The following XPR1 variants were observed in gnomAD, a reference collection of about 807,000 sequenced individuals.
XPR1 encodes xenotropic and polytropic retrovirus receptor 1.
XPR1 carries 28 observed loss-of-function variants against 87.5 expected under a neutral mutation model. That is an observed-to-expected ratio of 0.32 (90% CI 0.24 to 0.44). The LOEUF (loss-of-function observed/expected upper bound fraction) is 0.44, where lower values mean the gene tolerates loss of function less well. Among genes scored for constraint, XPR1 ranks in the 20% least tolerant of loss-of-function variants. The probability of loss-of-function intolerance (pLI) is 1.00; values close to 1 mark genes in which losing one functional copy is unlikely to be tolerated. For missense variants in XPR1, 559 were observed against 862.3 expected (o/e 0.65, Z 4.41); for synonymous variants, 300 against 306.1 (o/e 0.98, Z 0.21).
chr1:180,740,459 A>G (rs762996564), intron 2 of XPR1, among the ~76,000 whole-genome samples: 13 of 151,888 alleles, frequency 8.6e-5, no homozygotes, highest in Middle Eastern at 3.2e-3. Context: ...TTTAGATTAC[A>G]TTTTTTGATT....
At chr1:180,807,474 C>T (rs1650041929) in intron 6 of XPR1, among the ~76,000 whole-genome samples, 1 of 152,078 alleles carries the variant, frequency 6.6e-6, no homozygotes, top group Non-Finnish European at 1.5e-5. Flanking sequence ...TCAAAATATA[C>T]AATGCTTAGT....
chr1:180,759,871 TACTGACAAACCGAATCCAGCA>T (rs946160023), intron 2 of XPR1, among the ~76,000 whole-genome samples: 6 of 152,084 alleles, frequency 3.9e-5, no homozygotes. Flanking sequence ...CTCAATAAAA[TACTGACAAACCGAATCCAGCA>T]GCACATCAAA....
intron 3 of XPR1, among the ~76,000 whole-genome samples, chr1:180,788,226 G>A (rs377698912): frequency 2.0e-5 from 3 of 152,108 alleles, no homozygotes; most frequent in African/African-American, 7.2e-5. Context: ...CCTTTTCATT[G>A]CCTAGAACAC....
At chr1:180,713,821 C>T (rs1293142030) in intron 2 of XPR1, among the ~76,000 whole-genome samples, 2 of 151,918 alleles carry the variant, frequency 1.3e-5, no homozygotes, top group Admixed American at 6.6e-5. Flanking sequence ...GGATATTGTT[C>T]TCTAGAAGTC....
chr1:180,793,472 C>G (rs1649460245), intron 3 of XPR1, among the ~76,000 whole-genome samples: 1 of 149,138 alleles, frequency 6.7e-6, no homozygotes, highest in South Asian at 2.2e-4. Flanking sequence ...GACTTAATGG[C>G]TGGTTTTGTT....
At chr1:180,676,869 T>G (rs1347206929) in intron 1 of XPR1, among the ~76,000 whole-genome samples, 2 of 152,210 alleles carry the variant, frequency 1.3e-5, no homozygotes, top group African/African-American at 4.8e-5. Context: ...AATGTAATCT[T>G]AGAAAAGATG....
At chr1:180,877,153 G>A (rs1201618002) in intron 13 of XPR1, among the ~76,000 whole-genome samples, 3 of 152,320 alleles carry the variant, frequency 2.0e-5, no homozygotes, top group East Asian at 3.9e-4. Context: ...AATTAAAGCT[G>A]TGTAGACGTG....
At chr1:180,742,477 T>G (rs956387055) in intron 2 of XPR1, among the ~76,000 whole-genome samples, 1 of 152,156 alleles carries the variant, frequency 6.6e-6, no homozygotes, top group African/African-American at 2.4e-5. Flanking sequence ...TTGTTACAGT[T>G]TAGGAGGACA....
At chr1:180,808,383 A>G (rs1452987068) in intron 6 of XPR1, among the ~76,000 whole-genome samples, 2 of 152,092 alleles carry the variant, frequency 1.3e-5, no homozygotes, top group African/African-American at 4.8e-5. Context: ...ACAAATTTCT[A>G]GAAGAAAATA....
chr1:180,686,054 T>C (rs1417200133), intron 2 of XPR1, among the ~76,000 whole-genome samples: 1 of 152,164 alleles, frequency 6.6e-6, no homozygotes, highest in African/African-American at 2.4e-5. Context: ...GCTCTTGCTT[T>C]TCTAGTTCTT....
chr1:180,744,154 C>G (rs971482856), intron 2 of XPR1, among the ~76,000 whole-genome samples: 1 of 152,166 alleles, frequency 6.6e-6, no homozygotes, highest in African/African-American at 2.4e-5. Context: ...CTCCCTCTTC[C>G]TCTCCCCATC....
intron 3 of XPR1, among the ~76,000 whole-genome samples, chr1:180,799,143 A>G (rs12077610): frequency 0.043 from 6,532 of 152,246 alleles, 499 homozygotes; most frequent in African/African-American, 0.15. Flanking sequence ...TCATCTTCCA[A>G]TTCAGTAGAA....
At chr1:180,773,054 C>T (rs1294294669) in intron 2 of XPR1, among the ~76,000 whole-genome samples, 3 of 152,090 alleles carry the variant, frequency 2.0e-5, no homozygotes, top group Non-Finnish European at 4.4e-5. Flanking sequence ...TGAAATTTAC[C>T]TGATATTCCT....
chr1:180,684,619 A>G (rs1176190698), intron 2 of XPR1, among the ~76,000 whole-genome samples: 1 of 152,152 alleles, frequency 6.6e-6, no homozygotes, highest in Non-Finnish European at 1.5e-5. Context: ...CCTACCCATG[A>G]GCATGGAATG....
chr1:180,715,333 A>G (rs796428556), intron 2 of XPR1, among the ~76,000 whole-genome samples: 1 of 152,178 alleles, frequency 6.6e-6, no homozygotes, highest in Non-Finnish European at 1.5e-5. Flanking sequence ...TGTTGGCCAG[A>G]GTAGGCAAAT....
intron 1 of XPR1, among the ~76,000 whole-genome samples, chr1:180,662,761 A>G (rs910024845): frequency 6.6e-6 from 1 of 152,072 alleles, no homozygotes; most frequent in Non-Finnish European, 1.5e-5. Flanking sequence ...AGTAATTCTT[A>G]GATTTGCCCT....
rs1558017163 is a variant in XPR1, at chr1:180,806,301, A to G, written c.597+90A>G. ...TCCTTATTTCTGTTATTTTGTAACTAGTTGCTAGCTTTGAATATATATGCC... is the reference window on the plus strand; with the variant it reads ...TCCTTATTTCTGTTATTTTGTAACTGGTTGCTAGCTTTGAATATATATGCC... On this transcript the variant is annotated intron_variant, in intron 5 of 14. Transcript: ENST00000367590. The G allele has an allele frequency of 1.5e-5, 24 of 1,550,642 alleles. 1 individual carries two copies. The highest frequency in any genetic ancestry group is 3.6e-5 in the South Asian group (3 of 83,714).
rs1184621008 is a variant in XPR1, at chr1:180,781,595, C to CTT, written c.122-6146_122-6145dup. 2.3e-4 allele frequency among the ~76,000 whole-genome samples: 33 copies of CTT among 141,100 alleles called. 1 individual carries two copies. Among genetic ancestry groups the CTT allele is most frequent in the Admixed American group, 2.2e-3 (31 of 13,984 alleles). The allele number at this position is 141,100 out of a possible 152,430, so 92.6% of individuals were successfully genotyped here. On this transcript the variant is annotated intron_variant, in intron 2 of 14. Transcript: ENST00000367590. ...GGAGTATTTTACCTTGATTGGTACTCTTTTTTTTTTTTTAAACACCCCTGG... is the reference window on the plus strand; with the variant it reads ...GGAGTATTTTACCTTGATTGGTACTCTTTTTTTTTTTTTTTAAACACCCCTGG...
chr1:180,652,047 T>C (rs1309307002), intron 1 of XPR1, among the ~76,000 whole-genome samples: 1 of 152,086 alleles, frequency 6.6e-6, no homozygotes, highest in African/African-American at 2.4e-5. Flanking sequence ...ATTTCAGCAT[T>C]TTGGGAGGCC....
Sources: allele counts gnomAD v4.1 joint callset (sites outside exome capture counted in the v4.1 genomes callset), GRCh38; gene constraint gnomAD v4.1.1; transcripts MANE v1.5; gene names NCBI Gene and HGNC (gene_info 2026-07-23, HGNC 2026-07-21).